Variants in SGPP1 observed in about 807,000 individuals in gnomAD.
SGPP1 encodes the protein hSPP1.
SGPP1 carries 21 observed loss-of-function variants against 33.0 expected under a neutral mutation model. The ratio of observed to expected loss-of-function variants is 0.64; its 90% confidence interval spans 0.45 to 0.92. The LOEUF (loss-of-function observed/expected upper bound fraction) is 0.92, where lower values mean the gene tolerates loss of function less well. Ranked by LOEUF, SGPP1 falls within the 40% of genes least tolerant of loss-of-function variation. The probability of loss-of-function intolerance (pLI) is 0.00; values close to 1 mark genes in which losing one functional copy is unlikely to be tolerated. For synonymous variants in SGPP1, 239 were observed against 241.2 expected (o/e 0.99, Z 0.08); for missense variants, 543 against 589.4 (o/e 0.92, Z 0.81).
Position 63,684,284 on chromosome 14 carries a change from T to A in SGPP1, c.*1821A>T, listed in dbSNP as rs2139620242. 6.6e-6 allele frequency: 1 copy of A among 152,178 alleles called. No individual in the cohort carries two copies. The highest frequency in any genetic ancestry group is 3.4e-3 in the Middle Eastern group (1 of 294). The allele number at this position is 152,178 out of a possible 1,614,324, so 9.4% of individuals were successfully genotyped here. ...AGAACTGTCATAGGACAGAAAATAA[T>A]AAAACACAAATGGAACATTTTCAAA... On this transcript the variant is annotated 3_prime_UTR_variant, in exon 3 of 3. Coordinates refer to ENST00000247225, the MANE Select transcript of SGPP1 (RefSeq NM_030791.4).
At position 63,727,400 on chromosome 14, in the gene SGPP1, C is replaced by T. The variant is rs771282989; in HGVS notation, c.545G>A (p.Arg182His). The change falls in exon 1 of 3, where the codon CGC (arginine) becomes CAC (histidine). Residue 182 changes from arginine to histidine, a missense_variant. Transcript: ENST00000247225. ...GGGCGGCGAGGCGGGCCTCGGCCAG[C>T]GGATGATGTCCTTGGTGCACTGGCC... ...YLGQCTKDII[R>H]WPRPASPPVV... is the part of the protein sequence containing the mutation. 7.4e-6 allele frequency: 12 copies of T among 1,613,934 alleles called. No individual in the cohort carries two copies. The East Asian group carries it at 2.5e-4, about 33-fold the overall frequency.
intron 1 of SGPP1, among the ~76,000 whole-genome samples, chr14:63,712,955 TTGCCCAAGC>T (rs1356642691): frequency 2.0e-5 from 3 of 151,454 alleles, no homozygotes; most frequent in Non-Finnish European, 4.4e-5. Context: ...TTTCACCATG[TTGCCCAAGC>T]TGGTTTCGAG....
At chr14:63,693,833 T>C (rs190883470) in intron 2 of SGPP1, among the ~76,000 whole-genome samples, 1 of 152,170 alleles carries the variant, frequency 6.6e-6, no homozygotes, top group African/African-American at 2.4e-5. Context: ...AGGTTGGTCT[T>C]GAACTCCTCC....
chr14:63,711,573 T>C (rs906119255), intron 1 of SGPP1, among the ~76,000 whole-genome samples: 7 of 152,188 alleles, frequency 4.6e-5, no homozygotes, highest in Middle Eastern at 3.2e-3. Context: ...AATTCACTCT[T>C]CTTTGGGGGA....
In SGPP1 at chr14:63,723,145, G is replaced by A. The variant is rs116693745; in HGVS notation, c.684+4116C>T. 5.5e-3 allele frequency among the ~76,000 whole-genome samples: 836 copies of A among 152,010 alleles called. 8 individuals are homozygous for A. The highest frequency in any genetic ancestry group is 0.019 in the African/African-American group (788 of 41,488). On this transcript the variant is annotated intron_variant, in intron 1 of 2. Coordinates refer to ENST00000247225, the MANE Select transcript of SGPP1 (RefSeq NM_030791.4). ...ATGCAAACATAAATGGAAAAGGAAC[G>A]TCATATTGTTTATCTTATTCTTCAA...
intron 2 of SGPP1, among the ~76,000 whole-genome samples, chr14:63,687,644 A>C (rs1885006272): frequency 6.6e-6 from 1 of 152,206 alleles, no homozygotes; most frequent in African/African-American, 2.4e-5. Flanking sequence ...AATGTGTACC[A>C]GGTAGAGGGA....
At chr14:63,716,565 C>T (rs943672118) in intron 1 of SGPP1, among the ~76,000 whole-genome samples, 1 of 152,040 alleles carries the variant, frequency 6.6e-6, no homozygotes, top group South Asian at 2.1e-4. Flanking sequence ...TGGTGGCACA[C>T]ACCTGCAGTC....
chr14:63,689,175 C>T (rs1230419687), intron 2 of SGPP1, among the ~76,000 whole-genome samples: 1 of 152,164 alleles, frequency 6.6e-6, no homozygotes, highest in Non-Finnish European at 1.5e-5. Context: ...GAAATCACTT[C>T]CCAACAAAAG....
At chr14:63,712,917 CA>C (rs56797705) in intron 1 of SGPP1, among the ~76,000 whole-genome samples, 7,883 of 63,760 alleles carry the variant, frequency 0.12, 341 homozygotes, top group African/African-American at 0.25. Context: ...AACTCTGTCT[CA>C]AAAAAAAAAA....
intron 1 of SGPP1, among the ~76,000 whole-genome samples, chr14:63,700,644 T>C (rs1214507239): frequency 6.6e-6 from 1 of 152,114 alleles, no homozygotes; most frequent in Non-Finnish European, 1.5e-5. Context: ...ATATAAAATA[T>C]ATAAATCATA....
chr14:63,688,348 A>T (rs1423788894), intron 2 of SGPP1, among the ~76,000 whole-genome samples: 6 of 150,700 alleles, frequency 4.0e-5, no homozygotes, highest in South Asian at 2.1e-4. Flanking sequence ...AAAAAATTTT[A>T]AAAGAATTGA....
intron 1 of SGPP1, among the ~76,000 whole-genome samples, chr14:63,704,485 C>G (rs1169292634): frequency 6.6e-6 from 1 of 152,176 alleles, no homozygotes; most frequent in African/African-American, 2.4e-5. Context: ...TGAAGTTGGA[C>G]TCCTATCTCA....
chr14:63,716,569 T>G (rs1885631385), intron 1 of SGPP1, among the ~76,000 whole-genome samples: 1 of 152,086 alleles, frequency 6.6e-6, no homozygotes, highest in South Asian at 2.1e-4. Context: ...GGCACACACC[T>G]GCAGTCCTAG....
intron 1 of SGPP1, among the ~76,000 whole-genome samples, chr14:63,724,616 T>TAAAAAAA (rs34386504): frequency 1.2e-5 from 1 of 85,002 alleles, no homozygotes; most frequent in Non-Finnish European, 2.3e-5. Flanking sequence ...CAAGGATCTT[T>TAAAAAAA]AAAAAAAAAA....
Position 63,714,766 on chromosome 14 carries a change from G to T in SGPP1, c.684+12495C>A, listed in dbSNP as rs192200773. 7.3e-5 allele frequency among the ~76,000 whole-genome samples: 11 copies of T among 150,640 alleles called. No individual in the cohort carries two copies. The South Asian group carries it at 1.0e-3, about 14-fold the overall frequency. On this transcript the variant is annotated intron_variant, in intron 1 of 2. Coordinates refer to ENST00000247225, the MANE Select transcript of SGPP1 (RefSeq NM_030791.4). ...TTTATTTTTTTTTTTTTGAGACAGG[G>T]TCTCACTGAGTTGCCCAAGCTGGAG...
chr14:63,703,643 G>A (rs1393786626), intron 1 of SGPP1, among the ~76,000 whole-genome samples: 2 of 110,552 alleles, frequency 1.8e-5, no homozygotes, highest in Non-Finnish European at 3.3e-5. Context: ...CGGAGCAAGA[G>A]AGACTCCATC....
chr14:63,711,499 G>A (rs546224367), intron 1 of SGPP1, among the ~76,000 whole-genome samples: 3 of 152,286 alleles, frequency 2.0e-5, no homozygotes, highest in African/African-American at 4.8e-5. Flanking sequence ...AGGGCAGGCC[G>A]ACAGGCTGAA....
intron 2 of SGPP1, among the ~76,000 whole-genome samples, chr14:63,693,026 C>G (rs1885117639): frequency 6.6e-6 from 1 of 152,138 alleles, no homozygotes; most frequent in East Asian, 1.9e-4. Flanking sequence ...CCTCGACTTC[C>G]TGGGCTCAAG....
intron 2 of SGPP1, among the ~76,000 whole-genome samples, chr14:63,695,120 G>T (rs1008617700): frequency 2.0e-5 from 3 of 151,950 alleles, no homozygotes; most frequent in Non-Finnish European, 4.4e-5. Flanking sequence ...GCAGTGGCGC[G>T]ATCTCTGCTC....
Sources: gnomAD v4.1 joint callset for allele counts (sites outside exome capture counted in the v4.1 genomes callset) on GRCh38, gnomAD v4.1.1 for gene constraint, MANE v1.5 for transcripts, NCBI Gene and HGNC (gene_info 2026-07-23, HGNC 2026-07-21) for gene names.